The following HIVEP3 variants were observed in gnomAD, a reference collection of about 807,000 sequenced individuals.
HIVEP3 encodes HIVEP zinc finger 3.
In HIVEP3, 49 loss-of-function variants were observed where a neutral mutation model predicts 152.8. That is an observed-to-expected ratio of 0.32 (90% CI 0.26 to 0.41). The LOEUF (loss-of-function observed/expected upper bound fraction) is 0.41. Ranked by LOEUF, HIVEP3 falls within the 10% of genes least tolerant of loss-of-function variation. The pLI is 1.00. For missense variants in HIVEP3, 2,790 were observed against 3,103.3 expected, an observed-to-expected ratio of 0.90 and a Z score of 2.40; for synonymous variants, 1,269 against 1,289.0, an observed-to-expected ratio of 0.98 and a Z score of 0.33.
rs189796181 is a variant in HIVEP3 at position 41,851,081 on chromosome 1, T to C, written c.-801+67332A>G. Among the ~76,000 whole-genome samples, 326 of 152,260 alleles carry C rather than the reference T, an allele frequency of 2.1e-3. 2 individuals are homozygous for C. Among genetic ancestry groups the C allele is most frequent in the African/African-American group, 7.3e-3 (305 of 41,536 alleles). On this transcript the variant is annotated intron_variant, in intron 1 of 8. Coordinates refer to ENST00000372583, the MANE Select transcript of HIVEP3 (RefSeq NM_024503.5). ...TACACTCCTTATAGCCCTAGAACTA[T>C]ATAAAACATTTGTTCATCATCTACT...
chr1:41,779,528 T>C (rs1248199580), intron 1 of HIVEP3, among the ~76,000 whole-genome samples: 1 of 152,244 alleles, frequency 6.6e-6, no homozygotes, highest in Admixed American at 6.5e-5. Context: ...AGTCTCCCTC[T>C]GTTGCCCAGC....
At chr1:41,931,872 A>G (rs1033252790) in intron 1 of HIVEP3, among the ~76,000 whole-genome samples, 5 of 151,996 alleles carry the variant, frequency 3.3e-5, no homozygotes, top group Non-Finnish European at 5.9e-5. Context: ...GGGTTTTTCT[A>G]CAAAGACAAT....
intron 1 of HIVEP3, among the ~76,000 whole-genome samples, chr1:41,808,059 T>C (rs542199281): frequency 8.5e-5 from 13 of 152,346 alleles, no homozygotes; most frequent in Admixed American, 7.8e-4. Flanking sequence ...GCATCCACTA[T>C]GGGCTAGACA....
chr1:41,844,796 T>C (rs779025255), intron 1 of HIVEP3, among the ~76,000 whole-genome samples: 68 of 152,188 alleles, frequency 4.5e-4, no homozygotes, highest in Non-Finnish European at 7.6e-4. Context: ...ACATTAAACA[T>C]CAGGATCAAA....
intron 2 of HIVEP3, among the ~76,000 whole-genome samples, chr1:41,686,370 G>A (rs981447750): frequency 1.4e-4 from 22 of 152,054 alleles, no homozygotes; most frequent in African/African-American, 1.2e-4. Context: ...CACCACACCC[G>A]GCCATAGACT....
At position 41,581,849 on chromosome 1, in the gene HIVEP3, TG is replaced by T; in HGVS notation, c.2948del (p.Pro983HisfsTer23). Reference protein sequence around the residue: ...THMLTVPSHHPHAREMRRSAS... With the variant: ...THMLTVPSHHXHAREMRRSAS... Reference sequence around the variant, plus strand: ...CTGACCTCCGCATCTCTCGGGCATGTGGGTGGTGGCTGGGGACAGTCAACAT... The same window carrying T: ...CTGACCTCCGCATCTCTCGGGCATGTGGTGGTGGCTGGGGACAGTCAACAT... On this transcript the variant is annotated frameshift_variant, in exon 4 of 9. Transcript: ENST00000372583. LOFTEE classifies it high-confidence loss of function. The surrounding 1 kb of genome is among the most constrained non-coding windows in gnomAD (Gnocchi z 4.5). 1 of 1,602,150 alleles carries T rather than the reference TG, an allele frequency of 6.2e-7. No homozygotes were observed. The highest frequency in any genetic ancestry group is 8.5e-7 in the Non-Finnish European group (1 of 1,173,168).
intron 1 of HIVEP3, among the ~76,000 whole-genome samples, chr1:41,718,143 C>G (rs1214601066): frequency 2.6e-5 from 4 of 152,342 alleles, no homozygotes; most frequent in Admixed American, 2.6e-4. Context: ...TCAGCGGCAT[C>G]CAGCCCATTT....
chr1:41,514,998 TC>T (rs1327740273), intron 7 of HIVEP3, among the ~76,000 whole-genome samples: 1 of 152,170 alleles, frequency 6.6e-6, no homozygotes, highest in Non-Finnish European at 1.5e-5. Flanking sequence ...TGGACAGCAA[TC>T]CGGATGCTGG....
At chr1:41,759,278 T>C (rs1647514904) in intron 1 of HIVEP3, among the ~76,000 whole-genome samples, 1 of 152,100 alleles carries the variant, frequency 6.6e-6, no homozygotes, top group South Asian at 2.1e-4. Context: ...TCACACAATA[T>C]ATGGCCTTTT....
intron 1 of HIVEP3, among the ~76,000 whole-genome samples, chr1:41,716,352 T>C (rs553277282): frequency 5.7e-4 from 87 of 152,262 alleles, no homozygotes; most frequent in African/African-American, 1.7e-3. Flanking sequence ...CCATGTCCAT[T>C]ACCTCATTTA....
chr1:41,511,488 T>A lies in HIVEP3; in HGVS notation c.6406-222A>T, dbSNP rs1644455444. 6.6e-6 allele frequency among the ~76,000 whole-genome samples: 1 copy of A among 152,008 alleles called. No individual in the cohort carries two copies. Among genetic ancestry groups the A allele is most frequent in the African/African-American group, 2.4e-5 (1 of 41,386 alleles). ...TCTCCAGCTCGACAGTGACCATGAG[T>A]ATGCTCAGGCCCCATGGTCTCCATG... On this transcript the variant is annotated intron_variant, in intron 8 of 8. Coordinates refer to ENST00000372583, the MANE Select transcript of HIVEP3 (RefSeq NM_024503.5). This position sits in a 1 kb window ranked among gnomAD's most constrained non-coding sequence, Gnocchi z 4.9.
intron 1 of HIVEP3, among the ~76,000 whole-genome samples, chr1:41,770,469 G>A (rs1019950263): frequency 2.0e-5 from 3 of 152,056 alleles, no homozygotes; most frequent in South Asian, 4.1e-4. Context: ...TATGGAGAGG[G>A]GACAATAGTG....
At chr1:41,975,229 C>A (rs904358108) in intron 1 of HIVEP3, among the ~76,000 whole-genome samples, 1 of 152,204 alleles carries the variant, frequency 6.6e-6, no homozygotes, top group Non-Finnish European at 1.5e-5. Flanking sequence ...TCTACCCAAT[C>A]CTGCTTCCCT....
intron 5 of HIVEP3, among the ~76,000 whole-genome samples, chr1:41,528,841 C>T (rs1359606086): frequency 7.2e-6 from 1 of 139,370 alleles, no homozygotes; most frequent in Admixed American, 7.1e-5. Flanking sequence ...TTCACACACC[C>T]CTGCCCTTAC....
chr1:42,017,193 A>T (rs1645528271), intron 1 of HIVEP3, among the ~76,000 whole-genome samples: 2 of 152,028 alleles, frequency 1.3e-5, no homozygotes, highest in South Asian at 4.1e-4. Flanking sequence ...TGAGATTATA[A>T]AAAAAAAGTT....
At chr1:42,002,286 A>G (rs1645432515) in intron 1 of HIVEP3, among the ~76,000 whole-genome samples, 1 of 152,056 alleles carries the variant, frequency 6.6e-6, no homozygotes, top group African/African-American at 2.4e-5. Context: ...CCCCAGTGAC[A>G]GGGACCCAGA....
In HIVEP3 at chr1:41,533,727, C is replaced by A. The variant is rs1002160540; in HGVS notation, c.5208-8817G>T. On this transcript the variant is annotated intron_variant, in intron 5 of 8. Coordinates refer to ENST00000372583, the MANE Select transcript of HIVEP3 (RefSeq NM_024503.5). This position sits in a 1 kb window ranked among gnomAD's most constrained non-coding sequence, Gnocchi z 4.3. ...TGCCGACATGGCCCCTGCCAGCCTC[C>A]GACCTGCACTCTTCTCACCACACAC... Among the ~76,000 whole-genome samples the A allele has an allele frequency of 6.6e-6, 1 of 151,980 alleles. No individual in the cohort carries two copies. The highest frequency in any genetic ancestry group is 6.5e-5 in the Admixed American group (1 of 15,280).
At chr1:41,586,868 A>G (rs1644513386) in intron 3 of HIVEP3, among the ~76,000 whole-genome samples, 1 of 152,200 alleles carries the variant, frequency 6.6e-6, no homozygotes, top group Non-Finnish European at 1.5e-5. Flanking sequence ...TTTATAGAAG[A>G]ATGACAAACT....
intron 1 of HIVEP3, among the ~76,000 whole-genome samples, chr1:41,964,478 G>C (rs976572802): frequency 6.6e-6 from 1 of 152,300 alleles, no homozygotes; most frequent in South Asian, 2.1e-4. Flanking sequence ...CTATGCAGAT[G>C]CTCAGTGGCC....
Sources: allele counts gnomAD v4.1 joint callset (sites outside exome capture counted in the v4.1 genomes callset), GRCh38; gene constraint gnomAD v4.1.1; non-coding constraint Gnocchi (gnomAD v3.1); transcripts MANE v1.5; gene names NCBI Gene and HGNC (gene_info 2026-07-23, HGNC 2026-07-21).